The following SSBP3 variants were observed in gnomAD, a reference collection of about 807,000 sequenced individuals.
SSBP3 encodes single-stranded DNA-binding protein 3.
Under a neutral mutation model 69.6 loss-of-function variants are expected in SSBP3, and 5 were observed. The ratio of observed to expected loss-of-function variants is 0.07; its 90% CI spans 0.04 to 0.15. SSBP3 has a LOEUF of 0.15. SSBP3 is among the 10% of genes least tolerant of loss of function. The pLI is 1.00. For missense variants in SSBP3, 312 were observed against 534.0 expected (o/e 0.58, Z 4.10); for synonymous variants, 196 against 193.4 (o/e 1.01, Z -0.11).
In SSBP3 at chr1:54,239,271, G is replaced by A. The variant is rs1310981174; in HGVS notation, c.857-72C>T. The A allele has an allele frequency of 8.3e-6, 10 of 1,197,970 alleles. No homozygotes were observed. The East Asian group carries it at 2.0e-4, about 24-fold the overall frequency. 74.2% of individuals were successfully genotyped at this position (1,197,970 alleles called of 1,614,324 possible). A position where few individuals can be genotyped will look rare whatever the true frequency, so the allele number is the denominator to read the frequency against. On this transcript the variant is annotated intron_variant, in intron 13 of 17. Coordinates refer to ENST00000610401, the Ensembl canonical transcript of SSBP3. ...TTAATTAAAACAAACTCATGGCACT[G>A]GAACTCATTCTTTTGTATTTTATAA... is the stretch of plus-strand genomic sequence containing the variant.
At chr1:54,331,933 C>T (rs1646423954) in intron 4 of SSBP3, among the ~76,000 whole-genome samples, 1 of 152,222 alleles carries the variant, frequency 6.6e-6, no homozygotes, top group African/African-American at 2.4e-5. Context: ...CAACAGCTTC[C>T]AACAACAGGT....
chr1:54,380,338 C>A (rs542365924), intron 4 of SSBP3, among the ~76,000 whole-genome samples: 1 of 152,186 alleles, frequency 6.6e-6, no homozygotes, highest in African/African-American at 2.4e-5. Context: ...CTTGATTACA[C>A]CCTGGACAGT....
At chr1:54,336,848 C>T (rs1646515872) in intron 4 of SSBP3, among the ~76,000 whole-genome samples, 1 of 152,230 alleles carries the variant, frequency 6.6e-6, no homozygotes, top group South Asian at 2.1e-4. Flanking sequence ...CAGCCACGTG[C>T]GTGGTAACCA....
intron 4 of SSBP3, among the ~76,000 whole-genome samples, chr1:54,398,267 CAT>C (rs1649037211): frequency 1.3e-5 from 2 of 152,196 alleles, no homozygotes; most frequent in African/African-American, 4.8e-5. Context: ...CAATCACACA[CAT>C]GAAAACATGT....
intron 4 of SSBP3, among the ~76,000 whole-genome samples, chr1:54,360,298 C>A (rs1295608931): frequency 1.3e-5 from 2 of 152,216 alleles, no homozygotes; most frequent in Non-Finnish European, 2.9e-5. Flanking sequence ...GAAACCTCCA[C>A]TTGAGCTCCC....
At chr1:54,380,311 T>C (rs1257609310) in intron 4 of SSBP3, among the ~76,000 whole-genome samples, 3 of 152,130 alleles carry the variant, frequency 2.0e-5, no homozygotes, top group Admixed American at 1.3e-4. Context: ...CTCACCCCCA[T>C]GCCCAAATGC....
chr1:54,368,938 A>G (rs1318058950), intron 4 of SSBP3, among the ~76,000 whole-genome samples: 4 of 152,148 alleles, frequency 2.6e-5, no homozygotes. Flanking sequence ...GCTCTCTTCA[A>G]AGGTAAAACC....
intron 4 of SSBP3, among the ~76,000 whole-genome samples, chr1:54,357,807 A>AG (rs1234181373): frequency 6.6e-6 from 1 of 152,258 alleles, no homozygotes; most frequent in Non-Finnish European, 1.5e-5. Context: ...CCTGGCACCC[A>AG]GGGAGCAGGG....
chr1:54,368,861 C>T (rs71637844), intron 4 of SSBP3, among the ~76,000 whole-genome samples: 35 of 152,258 alleles, frequency 2.3e-4, no homozygotes, highest in African/African-American at 6.0e-4. Context: ...TCAGGCAAGT[C>T]GTCTCTCTAT....
intron 4 of SSBP3, among the ~76,000 whole-genome samples, chr1:54,395,388 A>G (rs1338854693): frequency 1.3e-5 from 2 of 152,246 alleles, no homozygotes; most frequent in Admixed American, 6.5e-5. Flanking sequence ...GCCAAGCTGC[A>G]TGCCCTCTGG....
chr1:54,360,612 T>C (rs1444220508), intron 4 of SSBP3, among the ~76,000 whole-genome samples: 2 of 152,108 alleles, frequency 1.3e-5, no homozygotes, highest in African/African-American at 2.4e-5. Context: ...CCAAAGAAAC[T>C]AGGAGGCAGT....
At chr1:54,272,488 T>TAAAAAAAA (rs1170938104) in intron 5 of SSBP3, among the ~76,000 whole-genome samples, 3 of 148,004 alleles carry the variant, frequency 2.0e-5, no homozygotes, top group Non-Finnish European at 3.0e-5. Context: ...ACCTTTTTTT[T>TAAAAAAAA]AAAAAAAAAA....
In SSBP3 at chr1:54,251,554, G is replaced by C; in HGVS notation, c.651+62C>G. 5 of 1,495,252 alleles carry C rather than the reference G, an allele frequency of 3.3e-6. No individual in the cohort carries two copies. The Admixed American group carries it at 1.0e-4, about 30-fold the overall frequency. The allele number at this position is 1,495,252 out of a possible 1,614,324, so 92.6% of individuals were successfully genotyped here. A position where few individuals can be genotyped will look rare whatever the true frequency, so the allele number is the denominator to read the frequency against. On this transcript the variant is annotated intron_variant, in intron 9 of 17. Coordinates refer to ENST00000610401, the Ensembl canonical transcript of SSBP3. ...GGGAGACTGACAGAGCATGGAAACAGGAGAGAAGGCGGGTGCACACAGATG... is the reference window on the plus strand; with the variant it reads ...GGGAGACTGACAGAGCATGGAAACACGAGAGAAGGCGGGTGCACACAGATG...
At chr1:54,398,802 G>A (rs1395356763) in intron 4 of SSBP3, among the ~76,000 whole-genome samples, 1 of 152,130 alleles carries the variant, frequency 6.6e-6, no homozygotes, top group Non-Finnish European at 1.5e-5. Flanking sequence ...CACTCCAGAT[G>A]TGAGTTCCCC....
intron 9 of SSBP3, among the ~76,000 whole-genome samples, chr1:54,247,726 C>A (rs754575279): frequency 2.1e-4 from 32 of 152,162 alleles, no homozygotes; most frequent in African/African-American, 7.7e-4. Context: ...AGAATTGGCA[C>A]CCCGGGGTCT....
intron 4 of SSBP3, among the ~76,000 whole-genome samples, chr1:54,328,893 T>C (rs1646357046): frequency 6.6e-6 from 1 of 152,132 alleles, no homozygotes; most frequent in South Asian, 2.1e-4. Context: ...CACATGACGG[T>C]GGAACGGGGA....
At chr1:54,384,804 C>T (rs935168255) in intron 4 of SSBP3, among the ~76,000 whole-genome samples, 1 of 152,184 alleles carries the variant, frequency 6.6e-6, no homozygotes, top group Non-Finnish European at 1.5e-5. Flanking sequence ...TCCGTTAAGT[C>T]CCTCTAAATT....
chr1:54,365,424 A>C (rs1383788218), intron 4 of SSBP3, among the ~76,000 whole-genome samples: 1 of 152,198 alleles, frequency 6.6e-6, no homozygotes. Context: ...AATTTCAAAA[A>C]TGCAGTAACC....
At chr1:54,392,334 G>A (rs1570035894) in intron 4 of SSBP3, among the ~76,000 whole-genome samples, 1 of 152,326 alleles carries the variant, frequency 6.6e-6, no homozygotes, top group Non-Finnish European at 1.5e-5. Flanking sequence ...TTAACTTGTA[G>A]GAACTAAGAT....
Sources: allele counts gnomAD v4.1 joint callset (sites outside exome capture counted in the v4.1 genomes callset), GRCh38; gene constraint gnomAD v4.1.1; transcripts MANE v1.5; gene names NCBI Gene and HGNC (gene_info 2026-07-23, HGNC 2026-07-21).